SLC5A7: variants seen among roughly 807,000 people sequenced by gnomAD.
SLC5A7 encodes the protein solute carrier family 5 member 7.
A neutral mutation model predicts 55.4 loss-of-function variants in SLC5A7; 19 were observed. That is an observed-to-expected ratio of 0.34 (90% CI 0.24 to 0.50). SLC5A7 has a LOEUF of 0.50. SLC5A7 is among the 20% of genes least tolerant of loss of function. The pLI, the probability that SLC5A7 is intolerant of heterozygous loss-of-function variation, is 0.98. For synonymous variants in SLC5A7, 265 were observed against 263.7 expected (o/e 1.00, Z -0.05); for missense variants, 506 against 705.3 (o/e 0.72, Z 3.20).
At chr2:108,005,552 A>C (rs1678075072) in intron 6 of SLC5A7, among the ~76,000 whole-genome samples, 1 of 152,250 alleles carries the variant, frequency 6.6e-6, no homozygotes, top group Non-Finnish European at 1.5e-5. Context: ...AGTTGATGAT[A>C]CATTGTCTTA....
intron 5 of SLC5A7, among the ~76,000 whole-genome samples, chr2:107,998,943 A>G (rs1158265857): frequency 2.0e-5 from 3 of 152,248 alleles, no homozygotes; most frequent in East Asian, 3.8e-4. Context: ...AAAATGAAGA[A>G]GTAATCTCAT....
At chr2:107,998,526 CATG>C (rs1232193461) in intron 5 of SLC5A7, among the ~76,000 whole-genome samples, 2 of 152,174 alleles carry the variant, frequency 1.3e-5, no homozygotes, top group Non-Finnish European at 2.9e-5. Flanking sequence ...AATTATGAGA[CATG>C]AGTATTATTA....
At chr2:107,991,036 A>C (rs1349370207) in intron 2 of SLC5A7, among the ~76,000 whole-genome samples, 1 of 152,214 alleles carries the variant, frequency 6.6e-6, no homozygotes, top group Admixed American at 6.5e-5. Context: ...CAAGGTGTAA[A>C]CTGCAAAGAT....
At chr2:107,992,618 A>G (rs1677490871) in intron 3 of SLC5A7, among the ~76,000 whole-genome samples, 1 of 152,184 alleles carries the variant, frequency 6.6e-6, no homozygotes, top group African/African-American at 2.4e-5. Context: ...TTTTTGGGGC[A>G]CTCAAAAGGC....
intron 4 of SLC5A7, among the ~76,000 whole-genome samples, chr2:107,994,579 C>T (rs1677592667): frequency 1.3e-5 from 2 of 152,002 alleles, no homozygotes; most frequent in South Asian, 4.2e-4. Flanking sequence ...GAGTGAGACT[C>T]TGTCTCAAAA....
chr2:108,001,756 A>G (rs1677915651), intron 5 of SLC5A7, 141 bp from the exon 6 acceptor site: 10 of 760,666 alleles, frequency 1.3e-5, no homozygotes. Context: ...CCAACAAAAA[A>G]CAGAGAACAT....
At chr2:107,987,413 G>T (rs539623565) in intron 1 of SLC5A7, among the ~76,000 whole-genome samples, 58 of 152,262 alleles carry the variant, frequency 3.8e-4, no homozygotes, top group African/African-American at 1.4e-3. Flanking sequence ...GGGGGGTGAT[G>T]AATTGAATGA....
rs1450231896 is a variant in SLC5A7, at chr2:108,002,042, T to C, written c.741+2T>C. On this transcript the variant is annotated splice_donor_variant, in intron 6 of 8. Coordinates refer to ENST00000264047, the MANE Select transcript of SLC5A7 (RefSeq NM_021815.5). LOFTEE classifies it high-confidence loss of function. ...TGGCTTGATAGTTTTCTGTTGTTGG[T>C]AAGTAATGCTCTTACCTGAAGAATG... is the stretch of plus-strand genomic sequence containing the variant. The C allele has an allele frequency of 6.2e-7, 1 of 1,613,750 alleles. No individual in the cohort carries two copies. Among genetic ancestry groups the C allele is most frequent in the Non-Finnish European group, 8.5e-7 (1 of 1,179,800 alleles).
chr2:108,009,434 C>A (rs1678232809), intron 8 of SLC5A7, among the ~76,000 whole-genome samples: 1 of 151,986 alleles, frequency 6.6e-6, no homozygotes, highest in Admixed American at 6.6e-5. Flanking sequence ...CACCTATTGA[C>A]CCGTCCTCTA....
At position 108,010,706 on chromosome 2, in the gene SLC5A7, A is replaced by G; in HGVS notation, c.1588A>G (p.Ile530Val). 1 of 1,613,838 alleles carries G rather than the reference A, an allele frequency of 6.2e-7. No individual in the cohort carries two copies. Among genetic ancestry groups the G allele is most frequent in the South Asian group, 1.1e-5 (1 of 91,080 alleles). ...RHSEENMDKT[I>V]LVKNENIKLD... Reference sequence around the variant, plus strand: ...CAGTGAAGAAAACATGGATAAGACAATTCTTGTCAAAAATGAAAATATTAA... The same window carrying G: ...CAGTGAAGAAAACATGGATAAGACAGTTCTTGTCAAAAATGAAAATATTAA... Residue 530 changes from isoleucine (I) to valine (V), a missense_variant, in exon 9 of 9, where the codon ATT becomes GTT. Physicochemically the swap from Ile to Val is conservative, Grantham distance 29 (BLOSUM62 3). Around this residue, in one of 4 missense-constraint regions of SLC5A7, gnomAD observed 137 missense variants for 143.6 expected, o/e 0.95. Coordinates refer to ENST00000264047, the MANE Select transcript of SLC5A7 (RefSeq NM_021815.5).
intron 5 of SLC5A7, among the ~76,000 whole-genome samples, chr2:108,001,672 C>CAAAAA (rs71309338): frequency 4.0e-5 from 3 of 75,382 alleles, no homozygotes; most frequent in Non-Finnish European, 7.3e-5. Context: ...GACTCCGTCT[C>CAAAAA]AAAAAAAAAA....
At chr2:108,006,472 G>C (rs966636344) in intron 7 of SLC5A7, among the ~76,000 whole-genome samples, 7 of 149,282 alleles carry the variant, frequency 4.7e-5, no homozygotes, top group Admixed American at 2.0e-4. Flanking sequence ...CATCTGCCTC[G>C]GTCTCCCAAA....
intron 8 of SLC5A7, among the ~76,000 whole-genome samples, chr2:108,009,750 T>C (rs1339675212): frequency 6.6e-6 from 1 of 152,192 alleles, no homozygotes; most frequent in Non-Finnish European, 1.5e-5. Context: ...TTTGTTATTG[T>C]AAATAGTGCT....
At chr2:108,010,152 A>G (rs554220135) in intron 8 of SLC5A7, 80 bp from the exon 9 acceptor site, 1 of 1,515,866 alleles carries the variant, frequency 6.6e-7, no homozygotes, top group Non-Finnish European at 8.8e-7. Flanking sequence ...CCAGTTTTGA[A>G]GCAAAAAATA....
intron 5 of SLC5A7, among the ~76,000 whole-genome samples, chr2:108,001,194 C>T (rs924200602): frequency 6.7e-6 from 1 of 150,268 alleles, no homozygotes; most frequent in African/African-American, 2.5e-5. Context: ...TCAATAGCTA[C>T]GTATCTATTT....
rs1473752050 is a variant in SLC5A7, at chr2:108,011,208, A to T, written c.*347A>T. Reference sequence around the variant, plus strand: ...TGTGAAAAAGCCTAAGAAAAAGGAAATTGGACAGTTTTGATACAAACTTTG... The same window carrying T: ...TGTGAAAAAGCCTAAGAAAAAGGAATTTGGACAGTTTTGATACAAACTTTG... On this transcript the variant is annotated 3_prime_UTR_variant, in exon 9 of 9. Coordinates refer to ENST00000264047, the MANE Select transcript of SLC5A7 (RefSeq NM_021815.5). 1 of 173,078 alleles carries T rather than the reference A, an allele frequency of 5.8e-6. No homozygotes were observed. The highest frequency in any genetic ancestry group is 1.2e-5 in the Non-Finnish European group (1 of 82,632). The allele number at this position is 173,078 out of a possible 1,614,324, so 10.7% of individuals were successfully genotyped here.
intron 6 of SLC5A7, among the ~76,000 whole-genome samples, chr2:108,002,478 G>T (rs1017666589): frequency 6.6e-6 from 1 of 152,138 alleles, no homozygotes; most frequent in Non-Finnish European, 1.5e-5. Context: ...AGTGAGGCAG[G>T]TTGGAAAGGG....
At position 108,013,283 on chromosome 2, in the gene SLC5A7, T is replaced by C. The variant is rs928805683; in HGVS notation, c.*2422T>C. 1.3e-5 allele frequency: 2 copies of C among 152,160 alleles called. No individual in the cohort carries two copies. The highest frequency in any genetic ancestry group is 2.4e-5 in the African/African-American group (1 of 41,442). The allele number at this position is 152,160 out of a possible 1,614,324, so 9.4% of individuals were successfully genotyped here. ...AGCCAATAAATAATATTATATTGTA[T>C]TTAACCCATTATTCCTCACCTACCC... is the stretch of plus-strand genomic sequence containing the variant. On this transcript the variant is annotated 3_prime_UTR_variant, in exon 9 of 9. Transcript: ENST00000264047.
chr2:107,987,796 T>C (rs1313592941), intron 1 of SLC5A7, among the ~76,000 whole-genome samples: 1 of 152,228 alleles, frequency 6.6e-6, no homozygotes, highest in Non-Finnish European at 1.5e-5. Flanking sequence ...AGTTAAGATA[T>C]ACACGACAAG....
Sources: allele counts gnomAD v4.1 joint callset (sites outside exome capture counted in the v4.1 genomes callset), GRCh38; gene constraint gnomAD v4.1.1; regional missense constraint gnomAD v4.1.1; transcripts MANE v1.5; gene names NCBI Gene and HGNC (gene_info 2026-07-23, HGNC 2026-07-21).